The following USP8 variants were observed in gnomAD, a reference collection of about 807,000 sequenced individuals.
USP8 encodes the protein ubiquitin carboxyl-terminal hydrolase 8.
In USP8, 27 loss-of-function variants were observed where a neutral mutation model predicts 130.0. The observed-to-expected ratio is 0.21, with a 90% CI of 0.15 to 0.29. The LOEUF (loss-of-function observed/expected upper bound fraction) is 0.29. Among genes scored for constraint, USP8 ranks in the 10% least tolerant of loss-of-function variants. USP8 has a pLI of 1.00. For missense variants in USP8, 1,029 were observed against 1,312.2 expected, an observed-to-expected ratio of 0.78 and a Z score of 3.33; for synonymous variants, 392 against 444.1, an observed-to-expected ratio of 0.88 and a Z score of 1.48.
Position 50,432,670 on chromosome 15 carries a change from C to T in USP8, c.-65-6339C>T, listed in dbSNP as rs1270232254. On this transcript the variant is annotated intron_variant, in intron 1 of 19. Coordinates refer to ENST00000307179, the MANE Select transcript of USP8 (RefSeq NM_005154.5). The stretch of plus-strand genomic sequence containing the variant: ...AAATTGTCACCTGTATTAAGAAATA[C>T]ATTTTACATTTTCATCCAGTGTTAT... Among the ~76,000 whole-genome samples the T allele has an allele frequency of 4.6e-5, 7 of 152,174 alleles. No homozygotes were observed. The East Asian group carries it at 1.2e-3, about 25-fold the overall frequency.
At chr15:50,494,980 C>T (rs953440055) in intron 16 of USP8, among the ~76,000 whole-genome samples, 4 of 149,520 alleles carry the variant, frequency 2.7e-5, no homozygotes, top group Admixed American at 6.7e-5. Flanking sequence ...GCAGTGACCA[C>T]TGCACTCCAG....
At chr15:50,439,748 C>T (rs374489832) in intron 2 of USP8, among the ~76,000 whole-genome samples, 11 of 150,392 alleles carry the variant, frequency 7.3e-5, no homozygotes, top group Middle Eastern at 3.5e-3. Context: ...CGAGATTGTG[C>T]GATTGCACTG....
intron 3 of USP8, among the ~76,000 whole-genome samples, chr15:50,444,965 C>G (rs930431833): frequency 1.3e-5 from 2 of 151,766 alleles, no homozygotes; most frequent in Admixed American, 6.6e-5. Context: ...ACCCTGTTGC[C>G]CAGGTTAGTC....
At chr15:50,426,586 T>C (rs749828009) in intron 1 of USP8, among the ~76,000 whole-genome samples, 1 of 152,148 alleles carries the variant, frequency 6.6e-6, no homozygotes, top group Non-Finnish European at 1.5e-5. Flanking sequence ...TGAAGGCGTT[T>C]GATGTTGGCT....
intron 1 of USP8, among the ~76,000 whole-genome samples, chr15:50,436,959 C>A (rs1443596178): frequency 1.3e-5 from 2 of 152,074 alleles, no homozygotes; most frequent in African/African-American, 2.4e-5. Flanking sequence ...TGTGAGCCAC[C>A]ATGCCCAGCC....
At chr15:50,466,324 C>T (rs1379716530) in intron 7 of USP8, among the ~76,000 whole-genome samples, 2 of 152,100 alleles carry the variant, frequency 1.3e-5, no homozygotes, top group East Asian at 3.8e-4. Flanking sequence ...TTAGGCCGGG[C>T]ACACTGGCTC....
Position 50,500,664 on chromosome 15 carries a change from T to C in USP8, c.*1576T>C, listed in dbSNP as rs2052566594. The C allele has an allele frequency of 9.0e-7, 1 of 1,116,632 alleles. No individual in the cohort carries two copies. The highest frequency in any genetic ancestry group is 1.3e-6 in the Non-Finnish European group (1 of 759,826). The allele number at this position is 1,116,632 out of a possible 1,614,324, so 69.2% of individuals were successfully genotyped here. ...ACCATTTTCCTGGCTCTTAACGCTT[T>C]TGTATTGGTATGGAAAAGGGCTGGC... is the stretch of plus-strand genomic sequence containing the variant. On this transcript the variant is annotated 3_prime_UTR_variant, in exon 20 of 20. Transcript: ENST00000307179.
chr15:50,488,759 G>T lies in USP8; in HGVS notation c.1891-1042G>T, dbSNP rs59111194. 3.2e-3 allele frequency among the ~76,000 whole-genome samples: 491 copies of T among 151,206 alleles called. 4 individuals are homozygous for T. The highest frequency in any genetic ancestry group is 0.012 in the African/African-American group (477 of 41,226). On this transcript the variant is annotated intron_variant, in intron 12 of 19. Coordinates refer to ENST00000307179, the MANE Select transcript of USP8 (RefSeq NM_005154.5). ...TTTGGATTTTTTTTTTTTTAGTAGA[G>T]ATGGGGTTTCACCATGTTGCCCAGG... is the stretch of plus-strand genomic sequence containing the variant.
intron 7 of USP8, among the ~76,000 whole-genome samples, chr15:50,466,538 T>C (rs1334122672): frequency 6.8e-6 from 1 of 147,712 alleles, no homozygotes; most frequent in Non-Finnish European, 1.5e-5. Context: ...GAGGTTGCAG[T>C]GAGCCGAGAT....
intron 8 of USP8, among the ~76,000 whole-genome samples, chr15:50,473,590 C>G (rs1263524674): frequency 6.6e-6 from 1 of 151,944 alleles, no homozygotes; most frequent in Non-Finnish European, 1.5e-5. Context: ...GCCTTGAACT[C>G]CTGGCTCAAG....
chr15:50,445,569 A>AAAAAAAAAAAAAAAAAAT (rs56369706), intron 3 of USP8, among the ~76,000 whole-genome samples: 1 of 128,320 alleles, frequency 7.8e-6, no homozygotes, highest in East Asian at 2.6e-4. Context: ...AAAAAAAAAA[A>AAAAAAAAAAAAAAAAAAT]GCCTGGGCAC....
chr15:50,444,789 T>G (rs1359820305), intron 3 of USP8, among the ~76,000 whole-genome samples: 2 of 152,154 alleles, frequency 1.3e-5, no homozygotes, highest in African/African-American at 4.8e-5. Context: ...AGAATCTCAC[T>G]TCCGTCACCC....
In USP8 at chr15:50,500,365, T is replaced by G. The variant is rs1427623765; in HGVS notation, c.*1277T>G. On this transcript the variant is annotated 3_prime_UTR_variant, in exon 20 of 20. Coordinates refer to ENST00000307179, the MANE Select transcript of USP8 (RefSeq NM_005154.5). The stretch of plus-strand genomic sequence containing the variant: ...GAATATATATGATTATGAGATATTT[T>G]CTGATAAACACTGAATTTTGAAACC... 1.3e-5 allele frequency: 2 copies of G among 158,724 alleles called. No individual in the cohort carries two copies. The highest frequency in any genetic ancestry group is 6.1e-5 in the Admixed American group (1 of 16,308). The allele number at this position is 158,724 out of a possible 1,614,324, so 9.8% of individuals were successfully genotyped here.
chr15:50,438,970 A>T (rs2141253593), intron 1 of USP8, 39 bp from the exon 2 acceptor site: 1 of 839,996 alleles, frequency 1.2e-6, no homozygotes, highest in South Asian at 1.6e-5. Context: ...TTTTATTGTG[A>T]ATGAGGAAAA....
rs2052771102 is a variant in USP8, at chr15:50,513,791, C to G, written c.*14703C>G. ...ACCAAGTGTTAACAAGGATTTAAGG[C>G]AACTGAAACTTCCAGTCATTGCTGG... On this transcript the variant is annotated 3_prime_UTR_variant, in exon 20 of 20. Coordinates refer to ENST00000307179, the MANE Select transcript of USP8 (RefSeq NM_005154.5). 6.6e-6 allele frequency: 1 copy of G among 152,162 alleles called. No homozygotes were observed. Among genetic ancestry groups the G allele is most frequent in the South Asian group, 2.1e-4 (1 of 4,828 alleles). 9.4% of individuals were successfully genotyped at this position (152,162 alleles called of 1,614,324 possible). A position where few individuals can be genotyped will look rare whatever the true frequency, so the allele number is the denominator to read the frequency against.
Position 50,508,934 on chromosome 15 carries a change from A to G in USP8, c.*9846A>G, listed in dbSNP as rs1462442264. On this transcript the variant is annotated 3_prime_UTR_variant, in exon 20 of 20. Coordinates refer to ENST00000307179, the MANE Select transcript of USP8 (RefSeq NM_005154.5). The stretch of plus-strand genomic sequence containing the variant: ...CGGATCACGAGGTCAGGAGATTGAG[A>G]CCATCCTGGCTAACACGGTGAAACC... 6.6e-6 allele frequency: 1 copy of G among 151,674 alleles called. No individual in the cohort carries two copies. The highest frequency in any genetic ancestry group is 2.4e-5 in the African/African-American group (1 of 41,286). The allele number at this position is 151,674 out of a possible 1,614,324, so 9.4% of individuals were successfully genotyped here. A position where few individuals can be genotyped will look rare whatever the true frequency, so the allele number is the denominator to read the frequency against.
chr15:50,437,278 T>C (rs1325574429), intron 1 of USP8, among the ~76,000 whole-genome samples: 1 of 152,180 alleles, frequency 6.6e-6, no homozygotes, highest in African/African-American at 2.4e-5. Flanking sequence ...CTGAAGCTCC[T>C]TATATGTATC....
At chr15:50,449,802 C>T (rs542710705) in intron 4 of USP8, among the ~76,000 whole-genome samples, 13 of 151,234 alleles carry the variant, frequency 8.6e-5, no homozygotes, top group African/African-American at 3.2e-4. Context: ...AGGATGGTCT[C>T]GATCTCCTGA....
intron 4 of USP8, among the ~76,000 whole-genome samples, chr15:50,450,940 G>A (rs2050612116): frequency 6.6e-6 from 1 of 152,118 alleles, no homozygotes; most frequent in South Asian, 2.1e-4. Context: ...AATGGAACTG[G>A]TTTTAAGTGA....
Sources: allele counts gnomAD v4.1 joint callset (sites outside exome capture counted in the v4.1 genomes callset), GRCh38; gene constraint gnomAD v4.1.1; transcripts MANE v1.5; gene names NCBI Gene and HGNC (gene_info 2026-07-23, HGNC 2026-07-21).